The following NOL4 variants were observed in gnomAD, a reference collection of about 807,000 sequenced individuals.
NOL4 encodes cancer/testis antigen 125.
NOL4 carries 17 observed loss-of-function variants against 75.9 expected under a neutral mutation model. That is an observed-to-expected ratio of 0.22 (90% CI 0.15 to 0.34). The LOEUF is 0.34. Among genes scored for constraint, NOL4 ranks in the 10% least tolerant of loss-of-function variants. The pLI is 1.00. For synonymous variants in NOL4, 292 were observed against 289.9 expected (o/e 1.01, Z -0.07); for missense variants, 614 against 793.5 (o/e 0.77, Z 2.72).
At chr18:34,207,597 C>A (rs1048995883) in intron 1 of NOL4, among the ~76,000 whole-genome samples, 3 of 152,312 alleles carry the variant, frequency 2.0e-5, no homozygotes, top group Admixed American at 6.5e-5. Context: ...ACAGTTAATA[C>A]AAGATTTAGG....
At chr18:33,966,697 C>A (rs1025204523) in intron 6 of NOL4, among the ~76,000 whole-genome samples, 1 of 152,110 alleles carries the variant, frequency 6.6e-6, no homozygotes, top group African/African-American at 2.4e-5. Context: ...CAATAATGTT[C>A]AAGCTGAGAG....
At chr18:34,141,977 A>T (rs1299541452) in intron 1 of NOL4, among the ~76,000 whole-genome samples, 3 of 152,174 alleles carry the variant, frequency 2.0e-5, no homozygotes, top group Non-Finnish European at 4.4e-5. Context: ...AACTCAAACA[A>T]ATTTACAAAA....
intron 1 of NOL4, among the ~76,000 whole-genome samples, chr18:34,209,393 G>A (rs1043170096): frequency 6.6e-6 from 1 of 151,974 alleles, no homozygotes; most frequent in African/African-American, 2.4e-5. Context: ...AAATATGCTA[G>A]GTATTATATT....
chr18:34,194,008 T>C (rs1007506500), intron 1 of NOL4, among the ~76,000 whole-genome samples: 4 of 152,094 alleles, frequency 2.6e-5, no homozygotes, highest in Non-Finnish European at 5.9e-5. Context: ...CATTTATATG[T>C]GAACTTTATA....
At chr18:34,015,331 TTTCTTCTGCCATGTGATTTGAA>T (rs1392500190) in intron 6 of NOL4, among the ~76,000 whole-genome samples, 1 of 152,016 alleles carries the variant, frequency 6.6e-6, no homozygotes, top group African/African-American at 2.4e-5. Context: ...TCTGTTAGTG[TTTCTTCTGCCATGTGATTTGAA>T]TCCACCTCTG....
At chr18:34,038,507 G>A (rs990256147) in intron 5 of NOL4, among the ~76,000 whole-genome samples, 2 of 151,992 alleles carry the variant, frequency 1.3e-5, no homozygotes, top group South Asian at 2.1e-4. Context: ...GTAAACAAAT[G>A]GGCAAAGAAA....
At chr18:34,024,348 C>A (rs954243708) in intron 5 of NOL4, among the ~76,000 whole-genome samples, 7 of 150,700 alleles carry the variant, frequency 4.6e-5, no homozygotes, top group Non-Finnish European at 8.9e-5. Flanking sequence ...TTTGATGCCC[C>A]CCTTAGAAAA....
intron 9 of NOL4, among the ~76,000 whole-genome samples, chr18:33,895,311 T>C (rs1289756818): frequency 1.3e-5 from 2 of 152,074 alleles, no homozygotes. Flanking sequence ...CCGATCAACA[T>C]AAAGCTTAGT....
intron 10 of NOL4, among the ~76,000 whole-genome samples, chr18:33,861,717 A>G (rs2063143899): frequency 6.6e-6 from 1 of 152,168 alleles, no homozygotes; most frequent in Non-Finnish European, 1.5e-5. Context: ...TATAAGGGAC[A>G]TGAAGGACCT....
chr18:34,063,750 A>C (rs948462567), intron 5 of NOL4, among the ~76,000 whole-genome samples: 1 of 151,988 alleles, frequency 6.6e-6, no homozygotes, highest in Non-Finnish European at 1.5e-5. Context: ...ATAAACAAAC[A>C]TTATTGTTTC....
chr18:34,069,992 A>G (rs1418732440), intron 5 of NOL4, among the ~76,000 whole-genome samples: 2 of 152,224 alleles, frequency 1.3e-5, no homozygotes, highest in Admixed American at 1.3e-4. Context: ...CGCTATGCCA[A>G]CAGTCTTCAA....
chr18:34,180,896 C>A (rs1277696682), intron 1 of NOL4, among the ~76,000 whole-genome samples: 1 of 151,224 alleles, frequency 6.6e-6, no homozygotes, highest in Non-Finnish European at 1.5e-5. Context: ...ACACTGTAAA[C>A]TTTCAAAACA....
intron 8 of NOL4, among the ~76,000 whole-genome samples, chr18:33,954,243 T>TA (rs2069474223): frequency 6.6e-6 from 1 of 152,132 alleles, no homozygotes; most frequent in African/African-American, 2.4e-5. Flanking sequence ...TAACGACAAG[T>TA]AAAAAATGTC....
intron 1 of NOL4, among the ~76,000 whole-genome samples, chr18:34,199,614 T>C (rs1408440438): frequency 1.3e-5 from 2 of 151,892 alleles, no homozygotes; most frequent in Non-Finnish European, 2.9e-5. Flanking sequence ...CACCAGAAGA[T>C]GAACACGTCA....
In NOL4 at chr18:34,036,805, T is replaced by C. The variant is rs577355130; in HGVS notation, c.773-17204A>G. On this transcript the variant is annotated intron_variant, in intron 5 of 10. Transcript: ENST00000261592. ...TGGGTGTGGTGGCAAACACCTGTAA[T>C]CCCAGCTACTCAGGATTACAGGAGG... Among the ~76,000 whole-genome samples the C allele has an allele frequency of 2.0e-5, 3 of 152,156 alleles. No individual in the cohort carries two copies. The East Asian group carries it at 5.8e-4, about 29-fold the overall frequency.
At chr18:34,093,216 C>T (rs1448882375) in intron 5 of NOL4, among the ~76,000 whole-genome samples, 1 of 152,092 alleles carries the variant, frequency 6.6e-6, no homozygotes, top group African/African-American at 2.4e-5. Context: ...GGGAGCAAAA[C>T]ATGAATTAAC....
chr18:34,163,644 C>T (rs1216257296), intron 1 of NOL4, among the ~76,000 whole-genome samples: 40 of 152,092 alleles, frequency 2.6e-4, no homozygotes, highest in Admixed American at 4.6e-4. Context: ...AGAATCAATA[C>T]CGTGAAAATG....
chr18:34,123,239 T>C (rs2080229047), intron 2 of NOL4, among the ~76,000 whole-genome samples: 1 of 151,800 alleles, frequency 6.6e-6, no homozygotes, highest in Non-Finnish European at 1.5e-5. Context: ...TAATTCAATT[T>C]TAATGAATGG....
intron 5 of NOL4, among the ~76,000 whole-genome samples, chr18:34,043,026 T>G (rs1157732387): frequency 6.6e-6 from 1 of 152,074 alleles, no homozygotes; most frequent in African/African-American, 2.4e-5. Context: ...AGGATTTACA[T>G]TACAGTACAT....
Sources: gnomAD v4.1 joint callset for allele counts (sites outside exome capture counted in the v4.1 genomes callset) on GRCh38, gnomAD v4.1.1 for gene constraint, MANE v1.5 for transcripts, NCBI Gene and HGNC (gene_info 2026-07-23, HGNC 2026-07-21) for gene names.